The following TRIM26 variants were observed in gnomAD, a reference collection of about 807,000 sequenced individuals.
TRIM26 encodes the protein tripartite motif-containing protein 26.
In TRIM26, 16 loss-of-function variants were observed where a neutral mutation model predicts 45.5. The observed-to-expected ratio is 0.35, with a 90% CI of 0.24 to 0.53. The LOEUF (loss-of-function observed/expected upper bound fraction) is 0.53, where lower values mean the gene tolerates loss of function less well. Ranked by LOEUF, TRIM26 falls within the 20% of genes least tolerant of loss-of-function variation. The pLI, the probability that TRIM26 is intolerant of heterozygous loss-of-function variation, is 0.92. For synonymous variants in TRIM26, 273 were observed against 290.4 expected, an observed-to-expected ratio of 0.94 and a Z score of 0.61; for missense variants, 442 against 691.1, an observed-to-expected ratio of 0.64 and a Z score of 4.04.
chr6:30,191,166 G>C (rs1425947699), intron 6 of TRIM26, among the ~76,000 whole-genome samples: 1 of 152,120 alleles, frequency 6.6e-6, no homozygotes, highest in Non-Finnish European at 1.5e-5. Flanking sequence ...GGATAAACAA[G>C]AACAGAGCAT....
intron 5 of TRIM26, among the ~76,000 whole-genome samples, chr6:30,197,496 C>T (rs2523722): frequency 0.22 from 33,703 of 152,034 alleles, 4,279 homozygotes; most frequent in African/African-American, 0.34. Context: ...ATACACAGTT[C>T]CCCAGAAAAT....
Position 30,189,186 on chromosome 6 carries a change from T to C in TRIM26, c.918A>G (p.Arg306=), listed in dbSNP as rs764653083. Residue 306 remains arginine (R), a synonymous_variant, in exon 9 of 10, where the codon AGA becomes AGG. Transcript: ENST00000454678. This position sits in a 1 kb window ranked among gnomAD's most constrained non-coding sequence, Gnocchi z 5.0. ...GLREFQGKLL[R]DLEYKTVSVT... ...ACTCACCTGTCTTATATTCCAAGTC[T>C]CTCAGCAGCTTCCCTGGGGAGAAAA... The C allele has an allele frequency of 6.2e-7, 1 of 1,612,964 alleles. No homozygotes were observed. Among genetic ancestry groups the C allele is most frequent in the Admixed American group, 1.7e-5 (1 of 59,998 alleles).
Position 30,198,982 on chromosome 6 carries a change from G to A in TRIM26, c.122C>T (p.Thr41Ile). The A allele has an allele frequency of 6.2e-7, 1 of 1,612,562 alleles. No individual in the cohort carries two copies. The highest frequency in any genetic ancestry group is 1.1e-5 in the South Asian group (1 of 91,052). Reference protein sequence around the residue: ...CGHVFCRSCTTDVRPISGSRP... With the variant: ...CGHVFCRSCTIDVRPISGSRP... ...GCTCCCTGAGATGGGGCGGACGTCT[G>A]TGGTGCAGCTGCGGCAGAAGACGTG... Residue 41 changes from threonine (T) to isoleucine (I), a missense_variant, in exon 4 of 10, where the codon ACA becomes ATA. Transcript: ENST00000454678. The surrounding 1 kb of genome is among the most constrained non-coding windows in gnomAD (Gnocchi z 6.3).
At position 30,189,400 on chromosome 6, in the gene TRIM26, G is replaced by A. The variant is rs769089245; in HGVS notation, c.904+18C>T. ...CCCTGCTCTGACTCCCACCCTTTGT[G>A]CGCTCCCCAACCCTTACCCTGGAAT... On this transcript the variant is annotated intron_variant, in intron 8 of 9. Coordinates refer to ENST00000454678, the MANE Select transcript of TRIM26 (RefSeq NM_003449.5). The surrounding 1 kb of genome is among the most constrained non-coding windows in gnomAD (Gnocchi z 5.0). 2 of 1,611,156 alleles carry A rather than the reference G, an allele frequency of 1.2e-6. No individual in the cohort carries two copies. The highest frequency in any genetic ancestry group is 1.7e-6 in the Non-Finnish European group (2 of 1,178,324).
chr6:30,195,507 T>C (rs1581681109), intron 6 of TRIM26, among the ~76,000 whole-genome samples: 2 of 152,230 alleles, frequency 1.3e-5, no homozygotes, highest in Admixed American at 6.5e-5. Context: ...AGTGACTTCA[T>C]CAGTAGGGGC....
chr6:30,185,851 T>G lies in TRIM26; in HGVS notation c.*25A>C. The G allele has an allele frequency of 6.3e-7, 1 of 1,591,154 alleles. No individual in the cohort carries two copies. The highest frequency in any genetic ancestry group is 8.6e-7 in the Non-Finnish European group (1 of 1,167,366). On this transcript the variant is annotated 3_prime_UTR_variant, in exon 10 of 10. Coordinates refer to ENST00000454678, the MANE Select transcript of TRIM26 (RefSeq NM_003449.5). The surrounding 1 kb of genome is among the most constrained non-coding windows in gnomAD (Gnocchi z 5.7). The stretch of plus-strand genomic sequence containing the variant: ...CCAAAGAAGTGAAGCATCTGAGGGT[T>G]GGGGCTGGGGGCAGATGTCAGGGCT...
At chr6:30,192,873 T>C (rs951510194) in intron 6 of TRIM26, among the ~76,000 whole-genome samples, 5 of 152,016 alleles carry the variant, frequency 3.3e-5, no homozygotes, top group Middle Eastern at 3.4e-3. Context: ...GTATGGTTGG[T>C]TACCCAGTTT....
chr6:30,193,064 AT>A (rs1562198513), intron 6 of TRIM26, among the ~76,000 whole-genome samples: 36 of 4,068 alleles, frequency 8.8e-3, no homozygotes, highest in African/African-American at 0.025. Context: ...GCTTTGTAGT[AT>A]ATATATATAT....
chr6:30,185,689 CA>C lies in TRIM26; in HGVS notation c.*186del, dbSNP rs771714236. 3.0e-6 allele frequency: 2 copies of C among 665,958 alleles called. No individual in the cohort carries two copies. The allele number at this position is 665,958 out of a possible 1,614,324, so 41.3% of individuals were successfully genotyped here. ...AGGTGGGAAAAGAGCCCCATTAGGG[CA>C]GTAGATGGAGCAACAGCACTGAGTG... On this transcript the variant is annotated 3_prime_UTR_variant, in exon 10 of 10. Coordinates refer to ENST00000454678, the MANE Select transcript of TRIM26 (RefSeq NM_003449.5). This position sits in a 1 kb window ranked among gnomAD's most constrained non-coding sequence, Gnocchi z 5.7.
intron 1 of TRIM26, among the ~76,000 whole-genome samples, chr6:30,210,738 G>A (rs561935976): frequency 3.5e-5 from 5 of 144,418 alleles, no homozygotes; most frequent in South Asian, 2.2e-4. Context: ...ACAATATACC[G>A]TAATAAAAGT....
At chr6:30,205,719 A>G (rs1209136328) in intron 1 of TRIM26, among the ~76,000 whole-genome samples, 1 of 152,170 alleles carries the variant, frequency 6.6e-6, no homozygotes, top group African/African-American at 2.4e-5. Flanking sequence ...GCACATGCCT[A>G]TAGTTCCAGC....
intron 2 of TRIM26, among the ~76,000 whole-genome samples, chr6:30,201,537 G>A (rs1777166239): frequency 6.6e-6 from 1 of 152,076 alleles, no homozygotes; most frequent in South Asian, 2.1e-4. Context: ...CTACATGTTA[G>A]TAATGCTGGT....
chr6:30,194,957 TAA>T (rs1776307598), intron 6 of TRIM26, among the ~76,000 whole-genome samples: 2 of 152,006 alleles, frequency 1.3e-5, no homozygotes, highest in Admixed American at 1.3e-4. Flanking sequence ...GCACTAAAAT[TAA>T]AAGAGAAAAC....
chr6:30,198,762 C>T lies in TRIM26; in HGVS notation c.342G>A (p.Glu114=), dbSNP rs1376408790. Residue 114 remains glutamate (E), a synonymous_variant, in exon 4 of 10, where the codon GAG becomes GAA. Transcript: ENST00000454678. The surrounding 1 kb of genome is among the most constrained non-coding windows in gnomAD (Gnocchi z 6.3). ...RHREKLHYYC[E]DDGKLLCVMC... The stretch of plus-strand genomic sequence containing the variant: ...TCACGCACAGCAGCTTCCCGTCGTC[C>T]TCACAGTAGTAGTGCAGCTTCTCTC... 1 of 1,604,386 alleles carries T rather than the reference C, an allele frequency of 6.2e-7. No homozygotes were observed. The highest frequency in any genetic ancestry group is 8.5e-7 in the Non-Finnish European group (1 of 1,179,974).
At chr6:30,205,433 A>G (rs897888679) in intron 1 of TRIM26, among the ~76,000 whole-genome samples, 1 of 152,134 alleles carries the variant, frequency 6.6e-6, no homozygotes, top group Admixed American at 6.5e-5. Context: ...TGGATCTCAT[A>G]AATACCTAAT....
Position 30,186,067 on chromosome 6 carries a change from C to CGGG in TRIM26, c.1426_1428dup (p.Pro476dup). 1 of 1,597,834 alleles carries CGGG rather than the reference C, an allele frequency of 6.3e-7. No homozygotes were observed. The highest frequency in any genetic ancestry group is 8.5e-7 in the Non-Finnish European group (1 of 1,172,446). ...CGCAGTGCTGGGAAAAGCTCAGCCTCGGGGCTGGTGTTGGCCCAGATGCCG... is the reference window on the plus strand; with the variant it reads ...CGCAGTGCTGGGAAAAGCTCAGCCTCGGGGGGGCTGGTGTTGGCCCAGATGCCG... On this transcript the variant is annotated inframe_insertion, in exon 10 of 10. Coordinates refer to ENST00000454678, the MANE Select transcript of TRIM26 (RefSeq NM_003449.5). The surrounding 1 kb of genome is among the most constrained non-coding windows in gnomAD (Gnocchi z 7.4).
chr6:30,208,904 A>ATGTG (rs9278612), intron 1 of TRIM26, among the ~76,000 whole-genome samples: 6,811 of 140,504 alleles, frequency 0.048, 222 homozygotes, highest in East Asian at 0.13. Context: ...GATATAGAAT[A>ATGTG]TGTGTGTGTG....
chr6:30,190,784 C>T lies in TRIM26; in HGVS notation c.766-749G>A, dbSNP rs1192845337. 6.6e-6 allele frequency among the ~76,000 whole-genome samples: 1 copy of T among 152,232 alleles called. No individual in the cohort carries two copies. Among genetic ancestry groups the T allele is most frequent in the Non-Finnish European group, 1.5e-5 (1 of 68,048 alleles). ...ACTTTGACCACGCAGCAGAGGACAA[C>T]ATCCCTAGAAGCTGGTGGAAGAACC... On this transcript the variant is annotated intron_variant, in intron 6 of 9. Transcript: ENST00000454678. This position sits in a 1 kb window ranked among gnomAD's most constrained non-coding sequence, Gnocchi z 4.3.
chr6:30,212,619 C>T (rs780254411), intron 1 of TRIM26, among the ~76,000 whole-genome samples: 5 of 151,642 alleles, frequency 3.3e-5, no homozygotes, highest in Non-Finnish European at 7.4e-5. Flanking sequence ...TTTTTTTGAA[C>T]TTGGGGAAAA....
Sources: gnomAD v4.1 joint callset for allele counts (sites outside exome capture counted in the v4.1 genomes callset) on GRCh38, gnomAD v4.1.1 for gene constraint, Gnocchi (gnomAD v3.1) non-coding constraint, MANE v1.5 for transcripts, NCBI Gene and HGNC (gene_info 2026-07-23, HGNC 2026-07-21) for gene names.